VEPH1: variants seen among roughly 807,000 people sequenced by gnomAD.
VEPH1 encodes the protein ventricular zone expressed PH domain containing 1, also known as ventricular zone-expressed PH domain-containing protein homolog 1.
VEPH1 carries 80 observed loss-of-function variants against 85.2 expected under a neutral mutation model. The observed-to-expected ratio is 0.94, with a 90% CI of 0.78 to 1.13. The LOEUF (loss-of-function observed/expected upper bound fraction) is 1.13. VEPH1 is among the 50% of genes most tolerant of loss of function. The pLI is 0.00. For synonymous variants in VEPH1, 297 were observed against 348.0 expected (o/e 0.85, Z 1.63); for missense variants, 955 against 980.5 (o/e 0.97, Z 0.35).
chr3:157,436,947 C>A (rs1284066446), intron 4 of VEPH1: 2 of 1,613,470 alleles, frequency 1.2e-6, no homozygotes, highest in Non-Finnish European at 1.7e-6. Flanking sequence ...CATCTCCTTG[C>A]GATTCTGTTT....
At chr3:157,490,376 T>C (rs1739117225) in intron 2 of VEPH1, among the ~76,000 whole-genome samples, 1 of 149,948 alleles carries the variant, frequency 6.7e-6, no homozygotes, top group Admixed American at 6.6e-5. Flanking sequence ...ATATACAAAA[T>C]AGTCCAAGTT....
At chr3:157,496,353 C>T (rs1387493168) in intron 1 of VEPH1, among the ~76,000 whole-genome samples, 1 of 152,202 alleles carries the variant, frequency 6.6e-6, no homozygotes, top group Non-Finnish European at 1.5e-5. Flanking sequence ...AAATCACAGA[C>T]CATTTGCACT....
intron 4 of VEPH1, among the ~76,000 whole-genome samples, chr3:157,458,022 A>T (rs1735524257): frequency 6.6e-6 from 1 of 152,148 alleles, no homozygotes; most frequent in Non-Finnish European, 1.5e-5. Context: ...TAGACTATTT[A>T]TTACTGATTC....
chr3:157,320,747 A>G (rs1336977012), intron 9 of VEPH1, among the ~76,000 whole-genome samples: 1 of 152,170 alleles, frequency 6.6e-6, no homozygotes, highest in Non-Finnish European at 1.5e-5. Context: ...ATAATGTGTT[A>G]TGTGTTAAAA....
chr3:157,418,229 C>T (rs1732066014), intron 5 of VEPH1, among the ~76,000 whole-genome samples: 2 of 152,272 alleles, frequency 1.3e-5, no homozygotes, highest in South Asian at 4.1e-4. Flanking sequence ...ATGCTCTAAA[C>T]CAAGTAGCCC....
At chr3:157,369,179 TGAA>T (rs1460077744) in intron 7 of VEPH1, among the ~76,000 whole-genome samples, 22 of 15,054 alleles carry the variant, frequency 1.5e-3, no homozygotes, top group South Asian at 5.9e-3. Flanking sequence ...AAAAACCAAA[TGAA>T]AAAAAAAAAA....
At chr3:157,275,235 T>A (rs1715226079) in intron 12 of VEPH1, among the ~76,000 whole-genome samples, 1 of 152,164 alleles carries the variant, frequency 6.6e-6, no homozygotes, top group Non-Finnish European at 1.5e-5. Flanking sequence ...CTTTTCTGAT[T>A]GTTAAAGATA....
chr3:157,412,323 G>A (rs191911423), intron 6 of VEPH1, among the ~76,000 whole-genome samples: 34 of 152,306 alleles, frequency 2.2e-4, no homozygotes, highest in African/African-American at 8.2e-4. Flanking sequence ...TATACTGCAT[G>A]TGGCTACTGT....
At chr3:157,487,485 T>C (rs1032403079) in intron 2 of VEPH1, among the ~76,000 whole-genome samples, 7 of 152,150 alleles carry the variant, frequency 4.6e-5, no homozygotes, top group Admixed American at 2.0e-4. Flanking sequence ...TATACTGTTC[T>C]ATGAAATCTT....
chr3:157,438,065 A>C (rs946294759), intron 4 of VEPH1: 20 of 742,228 alleles, frequency 2.7e-5, no homozygotes, highest in Middle Eastern at 3.8e-4. Context: ...ACACACACAC[A>C]CACACACCCC....
chr3:157,460,164 C>T lies in VEPH1; in HGVS notation c.529+17G>A, dbSNP rs760604197. 2 of 1,614,202 alleles carry T rather than the reference C, an allele frequency of 1.2e-6. No individual in the cohort carries two copies. The highest frequency in any genetic ancestry group is 1.1e-5 in the South Asian group (1 of 91,084). ...ATCTCCCAAAACATGTCCCCAAGCTCAACTTTCGCACCATACCTTGGAGTA... is the reference window on the plus strand; with the variant it reads ...ATCTCCCAAAACATGTCCCCAAGCTTAACTTTCGCACCATACCTTGGAGTA... On this transcript the variant is annotated intron_variant, in intron 4 of 13. Transcript: ENST00000362010.
intron 6 of VEPH1, among the ~76,000 whole-genome samples, chr3:157,386,517 G>T (rs73156777): frequency 6.6e-6 from 1 of 152,052 alleles, no homozygotes; most frequent in East Asian, 1.9e-4. Context: ...GAAAGGGAGA[G>T]GAGTGATTTT....
At chr3:157,324,783 C>T (rs571720757) in intron 9 of VEPH1, among the ~76,000 whole-genome samples, 550 of 151,920 alleles carry the variant, frequency 3.6e-3, no homozygotes, top group Non-Finnish European at 5.2e-3. Flanking sequence ...TTGTGAATAG[C>T]GCTGCAATGA....
chr3:157,432,228 C>T (rs993829414), intron 4 of VEPH1, among the ~76,000 whole-genome samples: 1 of 151,530 alleles, frequency 6.6e-6, no homozygotes, highest in East Asian at 1.9e-4. Context: ...TAGGATGTTG[C>T]CATTTTTTCT....
At chr3:157,267,066 A>C (rs930091346) in intron 12 of VEPH1, among the ~76,000 whole-genome samples, 3 of 148,504 alleles carry the variant, frequency 2.0e-5, no homozygotes, top group Admixed American at 1.3e-4. Flanking sequence ...TAAAATGTAT[A>C]GTTTTCTTTT....
In VEPH1 at chr3:157,369,180, G is replaced by GAAAAAAAAAAAAAAAAAAAAAAA. The variant is rs58451868; in HGVS notation, c.1128-4691_1128-4669dup. On this transcript the variant is annotated intron_variant, in intron 7 of 13. Transcript: ENST00000362010. Reference sequence around the variant, plus strand: ...ACAACAACAACAACAAAAACCAAATGAAAAAAAAAAAAAAAAAAAAAAAAC... The same window carrying GAAAAAAAAAAAAAAAAAAAAAAA: ...ACAACAACAACAACAAAAACCAAATGAAAAAAAAAAAAAAAAAAAAAAAAAAAAAAAAAAAAAAAAAAAAAAAC... Among the ~76,000 whole-genome samples the GAAAAAAAAAAAAAAAAAAAAAAA allele has an allele frequency of 7.0e-4, 30 of 42,786 alleles. 7 individuals carry two copies. The highest frequency in any genetic ancestry group is 6.8e-3 in the East Asian group (5 of 732). 28.1% of individuals were successfully genotyped at this position (42,786 alleles called of 152,430 possible).
intron 9 of VEPH1, among the ~76,000 whole-genome samples, chr3:157,324,259 T>A (rs1013378836): frequency 4.6e-5 from 7 of 152,276 alleles, no homozygotes; most frequent in African/African-American, 1.7e-4. Flanking sequence ...GGTTTCACCA[T>A]GTTGGCCAGG....
intron 6 of VEPH1, chr3:157,409,746 A>G: frequency 2.0e-6 from 2 of 985,396 alleles, no homozygotes; most frequent in South Asian, 9.4e-5. Context: ...CCAGCCCTGC[A>G]GTTCTTACAC....
At chr3:157,354,105 G>C (rs1426472579) in intron 9 of VEPH1, among the ~76,000 whole-genome samples, 4 of 152,056 alleles carry the variant, frequency 2.6e-5, no homozygotes, top group Non-Finnish European at 5.9e-5. Flanking sequence ...TGAGTTCATC[G>C]ATTGCACCAA....
Sources: gnomAD v4.1 joint callset for allele counts (sites outside exome capture counted in the v4.1 genomes callset) on GRCh38, gnomAD v4.1.1 for gene constraint, MANE v1.5 for transcripts, NCBI Gene and HGNC (gene_info 2026-07-23, HGNC 2026-07-21) for gene names.